The following TAS1R1 variants were observed in gnomAD, a reference collection of about 807,000 sequenced individuals.
TAS1R1 encodes taste 1 receptor member 1.
TAS1R1 carries 31 observed loss-of-function variants against 45.8 expected under a neutral mutation model. The observed-to-expected ratio is 0.68, with a 90% CI of 0.51 to 0.91. TAS1R1 has a LOEUF of 0.91. Among genes scored for constraint, TAS1R1 ranks in the 40% least tolerant of loss-of-function variants. TAS1R1 has a pLI of 0.00. For synonymous variants in TAS1R1, 437 were observed against 448.4 expected (o/e 0.97, Z 0.32); for missense variants, 1,051 against 1,063.9 (o/e 0.99, Z 0.17).
Position 6,576,562 on chromosome 1 carries a change from A to G in TAS1R1, c.1408A>G (p.Thr470Ala), listed in dbSNP as rs140284805. 2.5e-3 allele frequency: 3,987 copies of G among 1,614,270 alleles called. 14 individuals carry two copies. The highest frequency in any genetic ancestry group is 2.4e-3 in the Non-Finnish European group (2,789 of 1,180,052). ...GACCTTCACGGTCCTCGGTTCCTCC[A>G]CATGGTCTCCAGTTCAGCTAAACAT... ...KWTFTVLGSS[T>A]WSPVQLNINE... The change falls in exon 4 of 6, where the codon ACA becomes GCA. Residue 470 changes from threonine (T) to alanine (A), a missense_variant. Transcript: ENST00000333172.
chr1:6,573,005 GCCT>G (rs1422275841), intron 2 of TAS1R1, among the ~76,000 whole-genome samples: 9 of 152,054 alleles, frequency 5.9e-5, no homozygotes, highest in African/African-American at 1.9e-4. Flanking sequence ...ATCCTTTCTG[GCCT>G]CCTTTTCCAC....
rs1326565893 is a variant in TAS1R1 at position 6,555,416 on chromosome 1, A to T, written c.43A>T (p.Ile15Phe). 1 of 1,606,992 alleles carries T rather than the reference A, an allele frequency of 6.2e-7. No homozygotes were observed. The highest frequency in any genetic ancestry group is 1.7e-5 in the Admixed American group (1 of 59,410). ...TARLVGLQLL[I>F]SCCWAFACHS... Reference sequence around the variant, plus strand: ...TCGCCTGGTCGGCCTGCAGCTTCTCATTTCCTGCTGCTGGGCCTTTGCCTG... The same window carrying T: ...TCGCCTGGTCGGCCTGCAGCTTCTCTTTTCCTGCTGCTGGGCCTTTGCCTG... The change falls in exon 1 of 6, where the codon ATT (isoleucine) becomes TTT (phenylalanine). Residue 15 changes from isoleucine (I) to phenylalanine (F), a missense_variant. Coordinates refer to ENST00000333172, the MANE Select transcript of TAS1R1 (RefSeq NM_138697.4).
At chr1:6,559,900 G>A (rs1415349433) in intron 1 of TAS1R1, among the ~76,000 whole-genome samples, 2 of 148,516 alleles carry the variant, frequency 1.3e-5, no homozygotes, top group African/African-American at 2.5e-5. Context: ...TGAGGCAGGA[G>A]AATCACTTGA....
chr1:6,576,386 G>C, intron 3 of TAS1R1, 29 bp from the exon 4 acceptor site: 1 of 1,611,556 alleles, frequency 6.2e-7, no homozygotes, highest in Non-Finnish European at 8.5e-7. Flanking sequence ...TGCTGTCTGT[G>C]GTGGCTTCAT....
chr1:6,558,978 G>A (rs1021896718), intron 1 of TAS1R1, among the ~76,000 whole-genome samples: 1 of 150,834 alleles, frequency 6.6e-6, no homozygotes, highest in Non-Finnish European at 1.5e-5. Flanking sequence ...TGCAAGCTCC[G>A]CCTCCTGGTT....
intron 2 of TAS1R1, among the ~76,000 whole-genome samples, chr1:6,571,808 A>G (rs1640024801): frequency 6.6e-6 from 1 of 152,018 alleles, no homozygotes; most frequent in Admixed American, 6.6e-5. Context: ...TGACAGAGTG[A>G]TACCTTGTCC....
In TAS1R1 at chr1:6,556,385, T is replaced by TTCTATCTATCTA. The variant is rs35268740; in HGVS notation, c.191+835_191+846dup. 2.6e-3 allele frequency among the ~76,000 whole-genome samples: 389 copies of TTCTATCTATCTA among 150,234 alleles called. 1 individual carries two copies. The highest frequency in any genetic ancestry group is 0.013 in the East Asian group (67 of 4,964). ...AGGGAAACTACTGCTTTTCTTTTAT[T>TTCTATCTATCTA]TCTATCTATCTATCTATCTATCTAT... On this transcript the variant is annotated intron_variant, in intron 1 of 5. Coordinates refer to ENST00000333172, the MANE Select transcript of TAS1R1 (RefSeq NM_138697.4).
At chr1:6,571,630 G>A (rs1640020082) in intron 2 of TAS1R1, among the ~76,000 whole-genome samples, 1 of 152,142 alleles carries the variant, frequency 6.6e-6, no homozygotes. Flanking sequence ...GACCAGCCTG[G>A]CCAGTATGGC....
At chr1:6,564,188 C>T (rs887721726) in intron 1 of TAS1R1, among the ~76,000 whole-genome samples, 6 of 151,988 alleles carry the variant, frequency 3.9e-5, no homozygotes, top group African/African-American at 9.7e-5. Flanking sequence ...AGTTTGGCTG[C>T]GGTGGGGATT....
intron 1 of TAS1R1, among the ~76,000 whole-genome samples, chr1:6,564,462 G>A (rs189007555): frequency 3.3e-5 from 5 of 152,308 alleles, no homozygotes; most frequent in African/African-American, 9.6e-5. Flanking sequence ...ACTGAGGAAG[G>A]AGGGTGCTTT....
At chr1:6,563,863 G>C (rs1025565975) in intron 1 of TAS1R1, among the ~76,000 whole-genome samples, 2 of 152,170 alleles carry the variant, frequency 1.3e-5, no homozygotes, top group African/African-American at 4.8e-5. Flanking sequence ...AAAGAGAGTC[G>C]AGAGTGGGAA....
chr1:6,578,584 C>T (rs1402273275), intron 5 of TAS1R1, 69 bp from the exon 6 acceptor site: 7 of 1,511,964 alleles, frequency 4.6e-6, no homozygotes, highest in Non-Finnish European at 4.4e-6. Context: ...CAGTATCTTG[C>T]AGGCCCCTAT....
At chr1:6,556,630 G>A (rs1327988536) in intron 1 of TAS1R1, among the ~76,000 whole-genome samples, 5 of 151,248 alleles carry the variant, frequency 3.3e-5, no homozygotes, top group African/African-American at 7.3e-5. Context: ...TCGAACTCCC[G>A]ACCTCAGGTG....
chr1:6,571,359 G>T, intron 2 of TAS1R1, 144 bp downstream of exon 2: 1 of 859,122 alleles, frequency 1.2e-6, no homozygotes, highest in Non-Finnish European at 1.7e-6. Context: ...CAAGTCAGGG[G>T]TCCCTGCCCA....
chr1:6,555,507 C>T lies in TAS1R1; in HGVS notation c.134C>T (p.Pro45Leu). The stretch of plus-strand genomic sequence containing the variant: ...GATTACCTCCTGGCAGGCCTGTTCC[C>T]TCTCCATTCTGGCTGTCTGCAGGTG... ...PGDYLLAGLF[P>L]LHSGCLQVRH... is the part of the protein sequence containing the mutation. The change falls in exon 1 of 6, where the codon CCT becomes CTT. Residue 45 changes from proline (P) to leucine (L), a missense_variant. Transcript: ENST00000333172. 1 of 1,563,756 alleles carries T rather than the reference C, an allele frequency of 6.4e-7. No individual in the cohort carries two copies. Among genetic ancestry groups the T allele is most frequent in the Non-Finnish European group, 8.7e-7 (1 of 1,153,610 alleles).
chr1:6,564,802 A>G (rs1639847221), intron 1 of TAS1R1, among the ~76,000 whole-genome samples: 1 of 152,202 alleles, frequency 6.6e-6, no homozygotes, highest in Non-Finnish European at 1.5e-5. Context: ...ACCCGCTCAG[A>G]GAAGGTGTCT....
intron 1 of TAS1R1, among the ~76,000 whole-genome samples, chr1:6,555,866 C>CTTTTTTTTTTT (rs770363613): frequency 0.015 from 1,400 of 95,254 alleles, 74 homozygotes; most frequent in Non-Finnish European, 0.019. Context: ...TTTCCCTCTT[C>CTTTTTTTTTTT]TTTTTTTTTT....
intron 1 of TAS1R1, among the ~76,000 whole-genome samples, chr1:6,560,855 G>C (rs1639772796): frequency 6.6e-6 from 1 of 151,836 alleles, no homozygotes; most frequent in Admixed American, 6.6e-5. Flanking sequence ...GTGGTGATGG[G>C]CGCCTGTAGT....
At position 6,576,512 on chromosome 1, in the gene TAS1R1, C is replaced by T. The variant is rs995865943; in HGVS notation, c.1358C>T (p.Ala453Val). The stretch of plus-strand genomic sequence containing the variant: ...CCCCTCAGTAGCTATAACATAATTG[C>T]CTGGGACTGGAATGGACCCAAGTGG... ...RDPLSSYNIIAWDWNGPKWTF... is the reference protein window; with the variant it reads ...RDPLSSYNIIVWDWNGPKWTF... Residue 453 changes from alanine (A) to valine (V), a missense_variant, in exon 4 of 6, where the codon GCC (alanine) becomes GTC (valine). By Grantham distance (64) the Ala-to-Val change is moderately conservative (BLOSUM62 0). Coordinates refer to ENST00000333172, the MANE Select transcript of TAS1R1 (RefSeq NM_138697.4). 3.1e-6 allele frequency: 5 copies of T among 1,614,130 alleles called. No individual in the cohort carries two copies. Among genetic ancestry groups the T allele is most frequent in the African/African-American group, 2.7e-5 (2 of 74,942 alleles).
Sources: gnomAD v4.1 joint callset for allele counts (sites outside exome capture counted in the v4.1 genomes callset) on GRCh38, gnomAD v4.1.1 for gene constraint, MANE v1.5 for transcripts, NCBI Gene and HGNC (gene_info 2026-07-23, HGNC 2026-07-21) for gene names.